The following SPON1 variants were observed in gnomAD, a reference collection of about 807,000 sequenced individuals.
SPON1 encodes spondin-1.
A neutral mutation model predicts 111.7 loss-of-function variants in SPON1; 52 were observed. The ratio of observed to expected loss-of-function variants is 0.47; its 90% confidence interval spans 0.37 to 0.59. SPON1 has a LOEUF of 0.59. SPON1 is among the 20% of genes least tolerant of loss of function. The pLI, the probability that SPON1 is intolerant of heterozygous loss-of-function variation, is 0.00. For synonymous variants in SPON1, 410 were observed against 395.8 expected, an observed-to-expected ratio of 1.04 and a Z score of -0.43; for missense variants, 957 against 1,068.5, an observed-to-expected ratio of 0.90 and a Z score of 1.46.
intron 6 of SPON1, among the ~76,000 whole-genome samples, chr11:14,137,518 T>G (rs1323535686): frequency 6.6e-6 from 1 of 152,144 alleles, no homozygotes; most frequent in African/African-American, 2.4e-5. Flanking sequence ...CCCTCACATC[T>G]AGGCTGAGGA....
Position 14,266,386 on chromosome 11 carries a change from G to A in SPON1, c.*699G>A, listed in dbSNP as rs1849269197. 1 of 152,050 alleles carries A rather than the reference G, an allele frequency of 6.6e-6. No homozygotes were observed. The highest frequency in any genetic ancestry group is 2.1e-4 in the South Asian group (1 of 4,824). The allele number at this position is 152,050 out of a possible 1,614,324, so 9.4% of individuals were successfully genotyped here. A position where few individuals can be genotyped will look rare whatever the true frequency, so the allele number is the denominator to read the frequency against. On this transcript the variant is annotated 3_prime_UTR_variant, in exon 16 of 16. Coordinates refer to ENST00000576479, the MANE Select transcript of SPON1 (RefSeq NM_006108.4). ...TAAGGTAGCTAGTTTTTACACCTGA[G>A]ATAAATAATAAGCTTAGAGTGTATT...
intron 3 of SPON1, among the ~76,000 whole-genome samples, chr11:14,055,549 G>A (rs117950776): frequency 4.6e-5 from 7 of 152,314 alleles, no homozygotes; most frequent in Middle Eastern, 3.4e-3. Flanking sequence ...CCAGGTTAAC[G>A]TCCCAAGAAT....
intron 6 of SPON1, among the ~76,000 whole-genome samples, chr11:14,180,390 G>A (rs1161762768): frequency 2.0e-5 from 3 of 152,130 alleles, no homozygotes; most frequent in African/African-American, 7.2e-5. Flanking sequence ...TGGCAATACT[G>A]GGCTCCTAGA....
At chr11:14,168,655 C>T (rs1414418208) in intron 6 of SPON1, among the ~76,000 whole-genome samples, 1 of 150,788 alleles carries the variant, frequency 6.6e-6, no homozygotes, top group South Asian at 2.1e-4. Flanking sequence ...CCTCCCCCGC[C>T]CCCACCCCAC....
intron 7 of SPON1, among the ~76,000 whole-genome samples, chr11:14,248,109 G>T (rs1196932238): frequency 1.3e-5 from 2 of 152,180 alleles, no homozygotes; most frequent in Non-Finnish European, 2.9e-5. Context: ...CGGGTGGTTG[G>T]CTGTGCCCAG....
intron 2 of SPON1, among the ~76,000 whole-genome samples, chr11:13,995,886 A>G (rs563652417): frequency 2.0e-4 from 30 of 152,358 alleles, no homozygotes; most frequent in African/African-American, 7.0e-4. Context: ...AGCCTGCTAG[A>G]TGCTAAAATT....
chr11:13,963,868 G>A (rs1847994939), intron 1 of SPON1, among the ~76,000 whole-genome samples: 1 of 152,220 alleles, frequency 6.6e-6, no homozygotes, highest in East Asian at 1.9e-4. Context: ...GAGCTGCAAG[G>A]GGAATTGGAT....
rs148372175 is a variant in SPON1 at position 14,094,578 on chromosome 11, T to G, written c.676+14557T>G. ...TTTCATGTTTATTGTCCTTTGCCTT[T>G]AAAACCACTAGGGTGTTGGCATGAA... On this transcript the variant is annotated intron_variant, in intron 5 of 15. Coordinates refer to ENST00000576479, the MANE Select transcript of SPON1 (RefSeq NM_006108.4). 9.8e-5 allele frequency among the ~76,000 whole-genome samples: 15 copies of G among 152,378 alleles called. No homozygotes were observed. In the East Asian group the frequency reaches 2.9e-3, roughly 29 times the overall value.
intron 6 of SPON1, among the ~76,000 whole-genome samples, chr11:14,188,734 C>A (rs1848313044): frequency 1.3e-5 from 2 of 152,158 alleles, no homozygotes; most frequent in Non-Finnish European, 2.9e-5. Flanking sequence ...ACTCAACTAA[C>A]CATGTGACCT....
chr11:14,158,030 A>G (rs1847869293), intron 6 of SPON1, among the ~76,000 whole-genome samples: 1 of 152,050 alleles, frequency 6.6e-6, no homozygotes. Context: ...GGTATGTCTC[A>G]TCATTTTCTA....
intron 5 of SPON1, among the ~76,000 whole-genome samples, chr11:14,084,683 C>G (rs1210890049): frequency 6.6e-6 from 1 of 152,136 alleles, no homozygotes; most frequent in African/African-American, 2.4e-5. Flanking sequence ...ATCACTAGGT[C>G]GAATGGCATT....
chr11:14,027,317 G>A (rs1046665374), intron 2 of SPON1, among the ~76,000 whole-genome samples: 1 of 152,206 alleles, frequency 6.6e-6, no homozygotes, highest in African/African-American at 2.4e-5. Flanking sequence ...CTGGAAGTTG[G>A]TGATGTCGTG....
chr11:14,127,254 G>A (rs1184625487), intron 5 of SPON1, among the ~76,000 whole-genome samples: 10 of 147,218 alleles, frequency 6.8e-5, no homozygotes, highest in African/African-American at 2.5e-4. Flanking sequence ...TGTGTTTAAT[G>A]TAGAAAGTTT....
intron 3 of SPON1, among the ~76,000 whole-genome samples, chr11:14,063,337 G>A (rs1554920052): frequency 3.3e-5 from 5 of 151,984 alleles, no homozygotes; most frequent in Non-Finnish European, 2.9e-5. Context: ...CATTAAAATG[G>A]GATCACATTA....
intron 6 of SPON1, among the ~76,000 whole-genome samples, chr11:14,160,186 AT>A (rs538853423): frequency 5.3e-4 from 79 of 150,192 alleles, no homozygotes; most frequent in African/African-American, 1.8e-3. Context: ...ATTTTTTTAA[AT>A]TTTTTTTAAA....
chr11:13,997,532 C>T (rs1334582271), intron 2 of SPON1, among the ~76,000 whole-genome samples: 2 of 152,332 alleles, frequency 1.3e-5, no homozygotes, highest in East Asian at 3.9e-4. Context: ...TCTGAGCCAG[C>T]AGCCTAGGGT....
intron 6 of SPON1, among the ~76,000 whole-genome samples, chr11:14,204,597 A>AT (rs1848497849): frequency 6.7e-6 from 1 of 149,938 alleles, no homozygotes; most frequent in Admixed American, 6.7e-5. Context: ...TCCAAGTAAG[A>AT]TTTTCAACAA....
intron 3 of SPON1, among the ~76,000 whole-genome samples, chr11:14,058,491 A>G (rs182160718): frequency 9.9e-5 from 15 of 152,142 alleles, no homozygotes; most frequent in Non-Finnish European, 8.8e-5. Context: ...CAGTGGCAAA[A>G]GGCAACAGAT....
intron 1 of SPON1, among the ~76,000 whole-genome samples, chr11:13,964,306 C>T (rs905235274): frequency 1.3e-5 from 2 of 152,200 alleles, no homozygotes; most frequent in South Asian, 2.1e-4. Flanking sequence ...CAGGGATGAG[C>T]GGGTCACTGG....
Sources: gnomAD v4.1 joint callset for allele counts (sites outside exome capture counted in the v4.1 genomes callset) on GRCh38, gnomAD v4.1.1 for gene constraint, MANE v1.5 for transcripts, NCBI Gene and HGNC (gene_info 2026-07-23, HGNC 2026-07-21) for gene names.